The following HEPH variants were observed in gnomAD, a reference collection of about 807,000 sequenced individuals.
HEPH encodes the protein hephaestin.
Under a neutral mutation model 80.8 loss-of-function variants are expected in HEPH, and 69 were observed. The ratio of observed to expected loss-of-function variants is 0.85; its 90% CI spans 0.70 to 1.04. HEPH has a LOEUF of 1.04. HEPH is among the 50% of genes least tolerant of loss of function. HEPH has a pLI of 0.00. For synonymous variants in HEPH, 431 were observed against 322.8 expected (o/e 1.34, Z -3.60); for missense variants, 1,115 against 891.3 (o/e 1.25, Z -3.20).
At chrX:66,240,260 G>A (rs1006240104) in intron 15 of HEPH, among the ~76,000 whole-genome samples, 15 of 111,347 alleles carry the variant, frequency 1.3e-4, no homozygotes, top group African/African-American at 4.6e-4. Context: ...AAAATCATTA[G>A]TGACCTTAAA....
intron 15 of HEPH, among the ~76,000 whole-genome samples, chrX:66,248,674 G>A (rs707300): frequency 0.38 from 42,036 of 111,424 alleles, 9,393 homozygotes; most frequent in African/African-American, 0.86. Flanking sequence ...AATTCATGCA[G>A]GTTTTTCTGT....
At position 66,203,579 on chromosome X, in the gene HEPH, TA is replaced by T. The variant is rs755373920; in HGVS notation, c.2291+4del. On this transcript the variant is annotated splice_donor_region_variant and intron_variant, in intron 13 of 20. Transcript: ENST00000343002. ...GCACAACCAGTCTGAGAAGGACAGG[TA>T]AGGCTTCATAAATGGAGAGATTACA... 11 of 1,198,137 alleles carry T rather than the reference TA, an allele frequency of 9.2e-6. No homozygotes were observed. The highest frequency in any genetic ancestry group is 2.3e-4 in the Middle Eastern group (1 of 4,319).
chrX:66,190,415 CATT>C (rs1569307948), intron 6 of HEPH, among the ~76,000 whole-genome samples: 2 of 111,074 alleles, frequency 1.8e-5, no homozygotes, highest in African/African-American at 6.6e-5. Context: ...AAGGGAGAAA[CATT>C]AATGTCATTG....
At chrX:66,248,528 G>A (rs1301124991) in intron 15 of HEPH, among the ~76,000 whole-genome samples, 1 of 112,114 alleles carries the variant, frequency 8.9e-6, no homozygotes, top group Non-Finnish European at 1.9e-5. Flanking sequence ...GTGCCAAAGA[G>A]AAGCCGTAAA....
chrX:66,201,245 T>TTG (rs1212679649), intron 12 of HEPH, among the ~76,000 whole-genome samples: 5 of 109,130 alleles, frequency 4.6e-5, no homozygotes, highest in South Asian at 4.0e-4. Flanking sequence ...GTGTGTGTGT[T>TTG]TGTGTGTGTG....
chrX:66,199,389 G>T (rs958941656), intron 11 of HEPH, among the ~76,000 whole-genome samples: 1 of 109,955 alleles, frequency 9.1e-6, no homozygotes, highest in East Asian at 2.8e-4. Flanking sequence ...AGCCAACTGG[G>T]GCTATTTTTC....
chrX:66,261,957 T>G (rs1203819913), intron 19 of HEPH, among the ~76,000 whole-genome samples: 2 of 112,236 alleles, frequency 1.8e-5, no homozygotes, highest in Non-Finnish European at 3.8e-5. Flanking sequence ...TTTCTCTATA[T>G]GTAGTAATGG....
At chrX:66,211,264 C>T (rs756338985) in intron 15 of HEPH, among the ~76,000 whole-genome samples, 13 of 110,718 alleles carry the variant, frequency 1.2e-4, no homozygotes, top group Non-Finnish European at 2.3e-4. Flanking sequence ...AATTACAGTT[C>T]GATATTTTAT....
intron 15 of HEPH, among the ~76,000 whole-genome samples, chrX:66,232,234 A>G (rs2090178452): frequency 9.0e-6 from 1 of 111,165 alleles, no homozygotes; most frequent in South Asian, 3.8e-4. Flanking sequence ...TTGGTCTAAA[A>G]TTCTCTTTTT....
intron 6 of HEPH, among the ~76,000 whole-genome samples, chrX:66,191,725 G>A (rs917451255): frequency 8.9e-6 from 1 of 111,795 alleles, no homozygotes; most frequent in African/African-American, 3.3e-5. Flanking sequence ...CCCATGAGGT[G>A]GATTTTCCTA....
At chrX:66,196,964 A>T (rs945483283) in intron 9 of HEPH, among the ~76,000 whole-genome samples, 1 of 104,753 alleles carries the variant, frequency 9.5e-6, no homozygotes, top group African/African-American at 3.5e-5. Context: ...TACACTCTTT[A>T]TAGGTGAGTG....
chrX:66,246,836 T>C (rs2090829007), intron 15 of HEPH, among the ~76,000 whole-genome samples: 1 of 112,371 alleles, frequency 8.9e-6, no homozygotes, highest in Non-Finnish European at 1.9e-5. Context: ...CCAGTGTTTA[T>C]TAAACTTTTT....
At position 66,229,625 on chromosome X, in the gene HEPH, C is replaced by T. The variant is rs143238469; in HGVS notation, c.2563+21379C>T. On this transcript the variant is annotated intron_variant, in intron 15 of 20. Transcript: ENST00000343002. ...AAATAAAAATAAAACATTTTGAAGACTACCTCTATAAAGTACCTTTTCCAA... is the reference window on the plus strand; with the variant it reads ...AAATAAAAATAAAACATTTTGAAGATTACCTCTATAAAGTACCTTTTCCAA... 7.2e-3 allele frequency among the ~76,000 whole-genome samples: 810 copies of T among 111,811 alleles called. 9 individuals carry two copies. Among genetic ancestry groups the T allele is most frequent in the African/African-American group, 0.025 (775 of 30,787 alleles).
chrX:66,221,888 C>T (rs1004107796), intron 15 of HEPH, among the ~76,000 whole-genome samples: 1 of 112,331 alleles, frequency 8.9e-6, no homozygotes, highest in African/African-American at 3.2e-5. Flanking sequence ...ACTCCAATTG[C>T]ATCTAAATGG....
intron 15 of HEPH, among the ~76,000 whole-genome samples, chrX:66,247,507 G>A (rs1247938200): frequency 9.1e-6 from 1 of 109,976 alleles, no homozygotes; most frequent in Non-Finnish European, 1.9e-5. Flanking sequence ...GAATTTGTTT[G>A]GTTCCTTTTT....
intron 20 of HEPH, among the ~76,000 whole-genome samples, chrX:66,264,582 G>T (rs1020034625): frequency 2.8e-5 from 3 of 108,761 alleles, no homozygotes; most frequent in Admixed American, 2.0e-4. Context: ...ATCCAGAAAG[G>T]TATGAGAGCT....
chrX:66,249,794 C>T (rs1278404348), intron 15 of HEPH, among the ~76,000 whole-genome samples: 1 of 111,286 alleles, frequency 9.0e-6, no homozygotes, highest in African/African-American at 3.3e-5. Context: ...GGAGAGATTC[C>T]CAACAATTTG....
At chrX:66,180,887 C>T (rs1164498999) in intron 4 of HEPH, among the ~76,000 whole-genome samples, 1 of 86,079 alleles carries the variant, frequency 1.2e-5, no homozygotes, top group Admixed American at 1.3e-4. Context: ...GTGATATTCC[C>T]CTTCCTGTGT....
At chrX:66,261,967 G>T (rs900156125) in intron 19 of HEPH, among the ~76,000 whole-genome samples, 1 of 111,942 alleles carries the variant, frequency 8.9e-6, no homozygotes, top group African/African-American at 3.2e-5. Flanking sequence ...TGTAGTAATG[G>T]GTTATCCCAA....
Sources: allele counts gnomAD v4.1 joint callset (sites outside exome capture counted in the v4.1 genomes callset), GRCh38; gene constraint gnomAD v4.1.1; transcripts MANE v1.5; gene names NCBI Gene and HGNC (gene_info 2026-07-23, HGNC 2026-07-21).